MTCL2: variants seen among roughly 807,000 people sequenced by gnomAD.
MTCL2 encodes microtubule crosslinking factor 2.
the MTCL2 span, among the ~76,000 whole-genome samples, chr20:36,835,311 G>C: frequency 2.6e-5 from 4 of 152,152 alleles, no homozygotes; most frequent in African/African-American, 4.8e-5. Flanking sequence ...TGGGGGTTGG[G>C]GGGGGGCACT....
chr20:36,802,502 T>C, the MTCL2 span, among the ~76,000 whole-genome samples: 1 of 152,130 alleles, frequency 6.6e-6, no homozygotes, highest in Admixed American at 6.5e-5. Flanking sequence ...GTTCCTGGGT[T>C]TGGGTAGGCT....
At chr20:36,827,046 ATTTATTT>A in the MTCL2 span, among the ~76,000 whole-genome samples, 1 of 150,614 alleles carries the variant, frequency 6.6e-6, no homozygotes, top group African/African-American at 2.4e-5. Flanking sequence ...TTATTTATTT[ATTTATTT>A]ATTTATTTGA....
At chr20:36,830,668 G>T in the MTCL2 span, among the ~76,000 whole-genome samples, 1 of 152,190 alleles carries the variant, frequency 6.6e-6, no homozygotes, top group Non-Finnish European at 1.5e-5. Flanking sequence ...TCCCATCTCT[G>T]CCAGTGACCA....
At chr20:36,816,565 A>G in the MTCL2 span, among the ~76,000 whole-genome samples, 8 of 152,248 alleles carry the variant, frequency 5.3e-5, no homozygotes, top group African/African-American at 1.7e-4. Flanking sequence ...CTACAGTTTC[A>G]TCAGTAAAAT....
At chr20:36,795,502 T>C in the MTCL2 span, among the ~76,000 whole-genome samples, 1 of 152,090 alleles carries the variant, frequency 6.6e-6, no homozygotes, top group Non-Finnish European at 1.5e-5. Flanking sequence ...TTGGCTGTCC[T>C]ACACATAGAA....
chr20:36,777,603 G>A, the MTCL2 span: 35 of 458,306 alleles, frequency 7.6e-5, no homozygotes, highest in African/African-American at 5.3e-4. Context: ...TCCTAGGAAG[G>A]AGCCTTTTGA....
the MTCL2 span, among the ~76,000 whole-genome samples, chr20:36,803,834 A>G: frequency 2.6e-5 from 4 of 151,734 alleles, no homozygotes; most frequent in Non-Finnish European, 4.4e-5. Context: ...TGTGCCATCT[A>G]TAATTCCAGT....
chr20:36,859,619 C>T, the MTCL2 span: 2 of 1,231,748 alleles, frequency 1.6e-6, no homozygotes, highest in Non-Finnish European at 2.0e-6. Flanking sequence ...GAGAGAGTTG[C>T]CCGATTTATG....
the MTCL2 span, chr20:36,796,829 C>T: frequency 1.3e-5 from 21 of 1,576,620 alleles, no homozygotes; most frequent in African/African-American, 2.7e-5. Context: ...TGGAGAGGGG[C>T]GAGGCTGTGG....
chr20:36,823,099 C>T, the MTCL2 span, among the ~76,000 whole-genome samples: 2 of 152,160 alleles, frequency 1.3e-5, no homozygotes, highest in African/African-American at 4.8e-5. Flanking sequence ...GGGGGTGTAC[C>T]TCAAAGATTT....
chr20:36,840,301 A>T, the MTCL2 span, among the ~76,000 whole-genome samples: 1 of 148,680 alleles, frequency 6.7e-6, no homozygotes, highest in Non-Finnish European at 1.5e-5. Context: ...AGTAGCTGGG[A>T]CTACAGGCAC....
chr20:36,832,365 A>G, the MTCL2 span, among the ~76,000 whole-genome samples: 22 of 152,284 alleles, frequency 1.4e-4, no homozygotes, highest in Non-Finnish European at 3.1e-4. Context: ...GGAGGCTACC[A>G]GTCCCCATCA....
the MTCL2 span, among the ~76,000 whole-genome samples, chr20:36,849,652 T>C: frequency 2.0e-5 from 3 of 152,132 alleles, no homozygotes; most frequent in South Asian, 2.1e-4. Flanking sequence ...TTTACCAGCC[T>C]GGGCTGGTAA....
the MTCL2 span, among the ~76,000 whole-genome samples, chr20:36,802,002 A>T: frequency 0.13 from 18,975 of 151,350 alleles, 1,620 homozygotes; most frequent in Middle Eastern, 0.22. Flanking sequence ...AAATAAAAGT[A>T]AGGCCGGGCA....
the MTCL2 span, chr20:36,863,012 C>T: frequency 2.9e-6 from 4 of 1,398,336 alleles, no homozygotes; most frequent in East Asian, 1.0e-4. The surrounding 1 kb of genome is among the most constrained non-coding windows in gnomAD (Gnocchi z 6.2). Flanking sequence ...TGGGGGGCGG[C>T]GGTGGCGGTC....
At chr20:36,777,976 G>A in the MTCL2 span, 4 of 535,262 alleles carry the variant, frequency 7.5e-6, no homozygotes, top group Non-Finnish European at 3.3e-6. Context: ...GGCGCTATCT[G>A]GCCTATGGTG....
chr20:36,847,168 A>G, the MTCL2 span, among the ~76,000 whole-genome samples: 4 of 152,254 alleles, frequency 2.6e-5, no homozygotes, highest in African/African-American at 7.2e-5. Context: ...GACGAGGCTC[A>G]GAAGCTTCGC....
the MTCL2 span, among the ~76,000 whole-genome samples, chr20:36,862,198 C>T: frequency 8.5e-5 from 13 of 152,210 alleles, no homozygotes; most frequent in African/African-American, 3.1e-4. Flanking sequence ...CCGGGAAAGC[C>T]CTGGGTAACG....
At chr20:36,786,737 C>T in the MTCL2 span, 1 of 1,179,690 alleles carries the variant, frequency 8.5e-7, no homozygotes, top group South Asian at 1.5e-5. Context: ...TGAGACTCGG[C>T]CATAAACCAG....
Sources: gnomAD v4.1 joint callset for allele counts (sites outside exome capture counted in the v4.1 genomes callset) on GRCh38, gnomAD v4.1.1 for gene constraint, Gnocchi (gnomAD v3.1) non-coding constraint, MANE v1.5 for transcripts, NCBI Gene and HGNC (gene_info 2026-07-23, HGNC 2026-07-21) for gene names.